The following ENTHD1 variants were observed in gnomAD, a reference collection of about 807,000 sequenced individuals.
ENTHD1 encodes ENTH domain containing 1.
ENTHD1 carries 23 observed loss-of-function variants against 39.1 expected under a neutral mutation model. The observed-to-expected ratio is 0.59, with a 90% CI of 0.42 to 0.83. The LOEUF (loss-of-function observed/expected upper bound fraction) is 0.83. Ranked by LOEUF, ENTHD1 falls within the 40% of genes least tolerant of loss-of-function variation. The pLI, the probability that ENTHD1 is intolerant of heterozygous loss-of-function variation, is 0.00. For synonymous variants in ENTHD1, 230 were observed against 258.2 expected (o/e 0.89, Z 1.05); for missense variants, 624 against 705.4 (o/e 0.88, Z 1.31).
chr22:39,758,097 C>T (rs1283164478), intron 6 of ENTHD1, among the ~76,000 whole-genome samples: 2 of 152,154 alleles, frequency 1.3e-5, no homozygotes, highest in African/African-American at 4.8e-5. Flanking sequence ...TGGGACAATA[C>T]ATTTTTTATG....
intron 3 of ENTHD1, among the ~76,000 whole-genome samples, chr22:39,857,528 G>T (rs1242276895): frequency 6.8e-6 from 1 of 147,764 alleles, no homozygotes; most frequent in Non-Finnish European, 1.5e-5. Flanking sequence ...CATAAAATCA[G>T]AGTTGGGTTA....
chr22:39,768,925 C>T (rs867822291), intron 5 of ENTHD1, among the ~76,000 whole-genome samples: 2 of 151,722 alleles, frequency 1.3e-5, no homozygotes, highest in South Asian at 2.1e-4. Flanking sequence ...TGCCAATGAA[C>T]GATGAATTCC....
intron 2 of ENTHD1, among the ~76,000 whole-genome samples, chr22:39,883,003 C>CAAAAAAAAAAAAAAAAAA (rs58964198): frequency 2.1e-5 from 1 of 48,268 alleles, no homozygotes; most frequent in Non-Finnish European, 4.4e-5. Flanking sequence ...GACTTCATCT[C>CAAAAAAAAAAAAAAAAAA]AAAAAAAAAA....
At chr22:39,778,125 G>T (rs1177323303) in intron 5 of ENTHD1, among the ~76,000 whole-genome samples, 1 of 152,174 alleles carries the variant, frequency 6.6e-6, no homozygotes. Context: ...GCTTGAAAAG[G>T]TGCCTGGCAC....
chr22:39,891,082 T>C (rs1601675477), intron 1 of ENTHD1, among the ~76,000 whole-genome samples: 2 of 152,326 alleles, frequency 1.3e-5, no homozygotes, highest in South Asian at 4.1e-4. Flanking sequence ...ATTTCCACAT[T>C]TGAATCTTGG....
intron 6 of ENTHD1, among the ~76,000 whole-genome samples, chr22:39,758,533 T>C (rs1408792057): frequency 6.6e-6 from 1 of 152,148 alleles, no homozygotes. Flanking sequence ...CAAGTGACCT[T>C]CCCACCTCAG....
chr22:39,892,864 C>G (rs187796724), intron 1 of ENTHD1, among the ~76,000 whole-genome samples: 1 of 152,272 alleles, frequency 6.6e-6, no homozygotes, highest in Non-Finnish European at 1.5e-5. Context: ...GACTACCATG[C>G]CATTAGGAGG....
chr22:39,859,174 A>C (rs1325466479), intron 3 of ENTHD1, among the ~76,000 whole-genome samples: 1 of 152,230 alleles, frequency 6.6e-6, no homozygotes, highest in Admixed American at 6.5e-5. Context: ...TCTTTGCAGA[A>C]TTAAAGACAG....
At chr22:39,800,434 A>T (rs2065589579) in intron 5 of ENTHD1, among the ~76,000 whole-genome samples, 2 of 152,258 alleles carry the variant, frequency 1.3e-5, no homozygotes, top group Non-Finnish European at 2.9e-5. Flanking sequence ...CAATCATGTC[A>T]GGATGAGATT....
chr22:39,787,297 A>C (rs987908027), intron 5 of ENTHD1, among the ~76,000 whole-genome samples: 11 of 152,106 alleles, frequency 7.2e-5, no homozygotes, highest in Admixed American at 1.3e-4. Flanking sequence ...CTATTCCCTG[A>C]GACACAACAG....
intron 5 of ENTHD1, among the ~76,000 whole-genome samples, chr22:39,786,001 G>C (rs1332132862): frequency 6.6e-6 from 1 of 152,108 alleles, no homozygotes; most frequent in Non-Finnish European, 1.5e-5. Context: ...CAAGAAAAGA[G>C]AGGCTTTTAA....
chr22:39,831,810 G>C (rs1281326923), intron 4 of ENTHD1, among the ~76,000 whole-genome samples: 2 of 151,894 alleles, frequency 1.3e-5, no homozygotes, highest in African/African-American at 2.4e-5. Context: ...TGGGTGACAA[G>C]AGCAAAATTC....
At chr22:39,776,286 T>C (rs2065364988) in intron 5 of ENTHD1, among the ~76,000 whole-genome samples, 1 of 152,214 alleles carries the variant, frequency 6.6e-6, no homozygotes, top group Non-Finnish European at 1.5e-5. Context: ...CAACCTTTGC[T>C]GGGAGAGAAT....
chr22:39,806,404 C>T (rs186271149), intron 5 of ENTHD1, among the ~76,000 whole-genome samples: 13 of 152,282 alleles, frequency 8.5e-5, no homozygotes, highest in Admixed American at 3.3e-4. Flanking sequence ...GCTTAGAGGA[C>T]TCCCAGTGTG....
At chr22:39,775,128 A>C (rs2065356817) in intron 5 of ENTHD1, among the ~76,000 whole-genome samples, 1 of 152,246 alleles carries the variant, frequency 6.6e-6, no homozygotes, top group Admixed American at 6.5e-5. Context: ...TATTTCAAAT[A>C]TTATTCATTC....
At chr22:39,873,177 A>T (rs1410607699) in intron 2 of ENTHD1, among the ~76,000 whole-genome samples, 1 of 152,120 alleles carries the variant, frequency 6.6e-6, no homozygotes, top group African/African-American at 2.4e-5. Context: ...TTTTAAAATT[A>T]TACCTTTAAT....
intron 5 of ENTHD1, among the ~76,000 whole-genome samples, chr22:39,808,108 A>G (rs149463055): frequency 1.2e-4 from 19 of 152,226 alleles, no homozygotes; most frequent in Admixed American, 2.0e-4. Flanking sequence ...TCTGTCTCAT[A>G]AGATTGTTAT....
intron 5 of ENTHD1, among the ~76,000 whole-genome samples, chr22:39,775,490 G>GA (rs1245303930): frequency 6.6e-6 from 1 of 152,154 alleles, no homozygotes; most frequent in Non-Finnish European, 1.5e-5. Context: ...AGCAGAACTA[G>GA]AACTAGAATC....
intron 6 of ENTHD1, among the ~76,000 whole-genome samples, chr22:39,751,461 T>G (rs1163127925): frequency 3.3e-5 from 5 of 152,214 alleles, no homozygotes; most frequent in African/African-American, 1.2e-4. Context: ...TTGTCTCTGG[T>G]TTTGGAAGAT....
Sources: gnomAD v4.1 joint callset for allele counts (sites outside exome capture counted in the v4.1 genomes callset) on GRCh38, gnomAD v4.1.1 for gene constraint, MANE v1.5 for transcripts, NCBI Gene and HGNC (gene_info 2026-07-23, HGNC 2026-07-21) for gene names.